WHRN: variants seen among roughly 807,000 people sequenced by gnomAD.
WHRN encodes whirlin.
In WHRN, 41 loss-of-function variants were observed where a neutral mutation model predicts 68.3. The ratio of observed to expected loss-of-function variants is 0.60; its 90% CI spans 0.47 to 0.78. The LOEUF (loss-of-function observed/expected upper bound fraction) is 0.78, where lower values mean the gene tolerates loss of function less well. WHRN is among the 30% of genes least tolerant of loss of function. The pLI is 0.00. For missense variants in WHRN, 1,243 were observed against 1,244.7 expected (o/e 1.00, Z 0.02); for synonymous variants, 560 against 561.3 (o/e 1.00, Z 0.03).
Position 114,478,615 on chromosome 9 carries a change from T to C in WHRN, c.775A>G (p.Arg259Gly). The change falls in exon 2 of 12, where the codon AGG (arginine) becomes GGG (glycine). Residue 259 changes from arginine to glycine, a missense_variant. Coordinates refer to ENST00000362057, the MANE Select transcript of WHRN (RefSeq NM_015404.4). ...GLPQPHGGAL[R>G]QQEGDRRSTL... Reference sequence around the variant, plus strand: ...CTCCTCCGGTCACCCTCCTGCTGCCTCAGGGCACCACCGTGGGGCTGGGGC... The same window carrying C: ...CTCCTCCGGTCACCCTCCTGCTGCCCCAGGGCACCACCGTGGGGCTGGGGC... 6.2e-7 allele frequency: 1 copy of C among 1,614,012 alleles called. No individual in the cohort carries two copies. Among genetic ancestry groups the C allele is most frequent in the Non-Finnish European group, 8.5e-7 (1 of 1,179,948 alleles).
intron 3 of WHRN, among the ~76,000 whole-genome samples, chr9:114,433,738 C>T (rs552959692): frequency 1.3e-5 from 2 of 152,242 alleles, no homozygotes; most frequent in Admixed American, 1.3e-4. Flanking sequence ...GTTCCTGGAG[C>T]AAGCTCAGGG....
chr9:114,407,962 G>A lies in WHRN; in HGVS notation c.1683C>T (p.Leu561=), dbSNP rs886063371. The A allele has an allele frequency of 2.5e-6, 4 of 1,602,806 alleles. No homozygotes were observed. The highest frequency in any genetic ancestry group is 3.4e-6 in the Non-Finnish European group (4 of 1,174,038). The change falls in exon 8 of 12, where the codon CTC becomes CTT. Residue 561 remains leucine, a synonymous_variant. Transcript: ENST00000362057. ...GEAVQGNINA[L]PDVSVDDVRS... is the part of the protein sequence containing the mutation. Reference sequence around the variant, plus strand: ...AGGGCCTTACCACGGACACATCTGGGAGGGCGTTGATATTGCCCTGGACAG... The same window carrying A: ...AGGGCCTTACCACGGACACATCTGGAAGGGCGTTGATATTGCCCTGGACAG...
intron 3 of WHRN, among the ~76,000 whole-genome samples, chr9:114,437,501 A>G (rs899682585): frequency 2.0e-5 from 3 of 152,194 alleles, no homozygotes; most frequent in African/African-American, 7.2e-5. Flanking sequence ...TCCCCCCCCA[A>G]ATTCCTACCC....
intron 3 of WHRN, 71 bp downstream of exon 3, chr9:114,466,196 G>A (rs1446855587): frequency 3.7e-6 from 6 of 1,605,498 alleles, no homozygotes; most frequent in African/African-American, 1.3e-5. Context: ...TTGCTCTGCT[G>A]GAGGTCTATT....
intron 9 of WHRN, 35 bp from the exon 10 acceptor site, chr9:114,404,112 T>C (rs1338681690): frequency 1.2e-6 from 2 of 1,603,572 alleles, no homozygotes; most frequent in African/African-American, 1.3e-5. Context: ...AAGCAGCTTA[T>C]ATAGCTGGGG....
chr9:114,475,089 T>C lies in WHRN; in HGVS notation c.837+3464A>G, dbSNP rs145682250. On this transcript the variant is annotated intron_variant, in intron 2 of 11. Transcript: ENST00000362057. ...GGTGCAGACACTAGGGAAAACTGTA[T>C]GGTGGTTCCTCCAAAAATTAAAAAT... Among the ~76,000 whole-genome samples, 1,070 of 152,258 alleles carry C rather than the reference T, an allele frequency of 7.0e-3. 1 individual carries two copies. Among genetic ancestry groups the C allele is most frequent in the Non-Finnish European group, 0.012 (790 of 68,016 alleles).
chr9:114,480,567 C>G (rs935584398), intron 1 of WHRN, among the ~76,000 whole-genome samples: 2 of 152,040 alleles, frequency 1.3e-5, no homozygotes, highest in Non-Finnish European at 2.9e-5. Flanking sequence ...CACCAGAACC[C>G]GAGAACAATG....
intron 3 of WHRN, among the ~76,000 whole-genome samples, chr9:114,459,826 G>A (rs990596855): frequency 6.6e-6 from 1 of 152,190 alleles, no homozygotes; most frequent in African/African-American, 2.4e-5. Flanking sequence ...TACATTTAAA[G>A]GATCCTTATT....
chr9:114,426,116 G>C lies in WHRN; in HGVS notation c.1166+95C>G, dbSNP rs566166186. 1.0e-4 allele frequency: 157 copies of C among 1,542,258 alleles called. No homozygotes were observed. The East Asian group carries it at 3.5e-3, about 34-fold the overall frequency. On this transcript the variant is annotated intron_variant, in intron 4 of 11. Coordinates refer to ENST00000362057, the MANE Select transcript of WHRN (RefSeq NM_015404.4). ...TGGTGTGGGGACTGCAGGCTGAGAG[G>C]AGAGCCAGGGCGGTGGAGGGATGGG...
At chr9:114,437,364 A>T (rs541462435) in intron 3 of WHRN, among the ~76,000 whole-genome samples, 1 of 152,216 alleles carries the variant, frequency 6.6e-6, no homozygotes, top group East Asian at 1.9e-4. Context: ...CCTGACTCAA[A>T]TTCAATAAAA....
At chr9:114,432,166 T>TCC (rs1418231517) in intron 3 of WHRN, among the ~76,000 whole-genome samples, 2 of 152,176 alleles carry the variant, frequency 1.3e-5, no homozygotes, top group East Asian at 3.8e-4. Flanking sequence ...GAAAGACTCC[T>TCC]CCATCATCCA....
rs1333168310 is a variant in WHRN at position 114,409,338 on chromosome 9, T to C, written c.1627-1320A>G. Among the ~76,000 whole-genome samples, 3 of 152,096 alleles carry C rather than the reference T, an allele frequency of 2.0e-5. No homozygotes were observed. In the East Asian group the frequency reaches 5.8e-4, roughly 29 times the overall value. On this transcript the variant is annotated intron_variant, in intron 7 of 11. Transcript: ENST00000362057. ...GGGAGACTGCAGAGAGAGCATCCAA[T>C]GGGCAAACACAGGCATATAATGCAA...
rs1487774961 is a variant in WHRN, at chr9:114,494,964, T to TC, written c.618+9219dup. Among the ~76,000 whole-genome samples, 3 of 152,148 alleles carry TC rather than the reference T, an allele frequency of 2.0e-5. No individual in the cohort carries two copies. In the East Asian group the frequency reaches 5.8e-4, roughly 29 times the overall value. ...CGGGTTTCAGGAGGGAAGAGCAGGC[T>TC]CCTCAGGGTGGGGACAGCGGCAGAG... On this transcript the variant is annotated intron_variant, in intron 1 of 11. Coordinates refer to ENST00000362057, the MANE Select transcript of WHRN (RefSeq NM_015404.4).
chr9:114,426,320 T>C lies in WHRN; in HGVS notation c.1057A>G (p.Ile353Val). 1 of 1,613,942 alleles carries C rather than the reference T, an allele frequency of 6.2e-7. No homozygotes were observed. The highest frequency in any genetic ancestry group is 8.5e-7 in the Non-Finnish European group (1 of 1,180,028). ...VRLLKSSRHL[I>V]LTVKDVGRLP... ...CTCCCGACGTCCTTCACTGTCAGGA[T>C]GAGGTGCCGAGATGACTTAAGCAGC... is the stretch of plus-strand genomic sequence containing the variant. Residue 353 changes from isoleucine (I) to valine (V), a missense_variant, in exon 4 of 12, where the codon ATC becomes GTC. Physicochemically the swap from Ile to Val is conservative, Grantham distance 29. Coordinates refer to ENST00000362057, the MANE Select transcript of WHRN (RefSeq NM_015404.4).
chr9:114,433,735 G>T (rs574452178), intron 3 of WHRN, among the ~76,000 whole-genome samples: 1 of 152,140 alleles, frequency 6.6e-6, no homozygotes, highest in African/African-American at 2.4e-5. Context: ...ACAGTTCCTG[G>T]AGCAAGCTCA....
At chr9:114,419,407 T>C (rs1836080241) in intron 7 of WHRN, among the ~76,000 whole-genome samples, 1 of 152,214 alleles carries the variant, frequency 6.6e-6, no homozygotes, top group Admixed American at 6.5e-5. Flanking sequence ...TGCTGAGCAC[T>C]AGGGATAGGG....
chr9:114,422,752 T>G (rs1836421188), intron 7 of WHRN, among the ~76,000 whole-genome samples: 1 of 144,302 alleles, frequency 6.9e-6, no homozygotes. Context: ...GGAGAACTGC[T>G]TGAACTGGGG....
At chr9:114,464,505 A>C (rs1366505514) in intron 3 of WHRN, among the ~76,000 whole-genome samples, 1 of 152,182 alleles carries the variant, frequency 6.6e-6, no homozygotes, top group Non-Finnish European at 1.5e-5. Flanking sequence ...CTCTTTTATA[A>C]GGGCACTAAT....
At chr9:114,413,275 G>A (rs559004557) in intron 7 of WHRN, among the ~76,000 whole-genome samples, 4 of 152,348 alleles carry the variant, frequency 2.6e-5, no homozygotes, top group East Asian at 1.9e-4. Flanking sequence ...AGGCACAGGC[G>A]GAGAGCAATG....
Sources: gnomAD v4.1 joint callset for allele counts (sites outside exome capture counted in the v4.1 genomes callset) on GRCh38, gnomAD v4.1.1 for gene constraint, MANE v1.5 for transcripts, NCBI Gene and HGNC (gene_info 2026-07-23, HGNC 2026-07-21) for gene names.